The following GPBP1 variants were observed in gnomAD, a reference collection of about 807,000 sequenced individuals.
The protein encoded by GPBP1 is GC-rich promoter binding protein 1, also known as vasculin.
In GPBP1, 13 loss-of-function variants were observed where a neutral mutation model predicts 56.5. The observed-to-expected ratio is 0.23, with a 90% CI of 0.15 to 0.37. The LOEUF (loss-of-function observed/expected upper bound fraction) is 0.37, where lower values mean the gene tolerates loss of function less well. Ranked by LOEUF, GPBP1 falls within the 10% of genes least tolerant of loss-of-function variation. The pLI is 1.00. For missense variants in GPBP1, 477 were observed against 572.3 expected (o/e 0.83, Z 1.70); for synonymous variants, 204 against 188.9 (o/e 1.08, Z -0.66).
intron 11 of GPBP1, among the ~76,000 whole-genome samples, chr5:57,262,235 C>A (rs1421129157): frequency 5.3e-5 from 8 of 152,056 alleles, no homozygotes; most frequent in Admixed American, 4.6e-4. Flanking sequence ...ACTTTATATA[C>A]CTCATTCTAC....
chr5:57,205,198 T>G (rs10940531), intron 2 of GPBP1, among the ~76,000 whole-genome samples: 5,726 of 152,306 alleles, frequency 0.038, 155 homozygotes, highest in African/African-American at 0.069. Context: ...ACTTGAGGCA[T>G]ACAACGTGAT....
intron 2 of GPBP1, among the ~76,000 whole-genome samples, chr5:57,199,212 C>G (rs967238076): frequency 7.2e-5 from 11 of 152,138 alleles, no homozygotes; most frequent in Admixed American, 6.6e-4. Flanking sequence ...TGAAGTAAAA[C>G]TAGCGATATT....
At chr5:57,177,503 C>T (rs752265719) in intron 2 of GPBP1, among the ~76,000 whole-genome samples, 5 of 151,962 alleles carry the variant, frequency 3.3e-5, no homozygotes, top group Non-Finnish European at 5.9e-5. Context: ...GACCGAGTTT[C>T]GCTCTTGTTG....
chr5:57,246,610 C>G (rs1741102474), intron 7 of GPBP1, 126 bp downstream of exon 7: 1 of 652,216 alleles, frequency 1.5e-6, no homozygotes, highest in Non-Finnish European at 2.5e-6. Flanking sequence ...TTCTAGGTGG[C>G]AAGAGTTGAC....
chr5:57,209,512 G>A (rs372204613), intron 2 of GPBP1, among the ~76,000 whole-genome samples: 15 of 152,118 alleles, frequency 9.9e-5, no homozygotes, highest in Admixed American at 5.9e-4. Context: ...TGGTTAGAAC[G>A]TCTACTACAG....
At chr5:57,220,113 T>G (rs1362021353) in intron 3 of GPBP1, among the ~76,000 whole-genome samples, 2 of 151,776 alleles carry the variant, frequency 1.3e-5, no homozygotes, top group Non-Finnish European at 2.9e-5. Context: ...TAAATACTTG[T>G]CTTCATTTAA....
chr5:57,194,021 C>G (rs1354550239), intron 2 of GPBP1, among the ~76,000 whole-genome samples: 3 of 152,110 alleles, frequency 2.0e-5, no homozygotes, highest in Admixed American at 6.5e-5. Context: ...CTTTTGCTTT[C>G]TAATACAAGT....
At chr5:57,218,027 T>C (rs571261632) in intron 3 of GPBP1, among the ~76,000 whole-genome samples, 1 of 152,064 alleles carries the variant, frequency 6.6e-6, no homozygotes, top group Non-Finnish European at 1.5e-5. Flanking sequence ...TTCCTATAGG[T>C]GTTTTGACTT....
At chr5:57,191,029 G>A (rs555914357) in intron 2 of GPBP1, among the ~76,000 whole-genome samples, 28 of 152,038 alleles carry the variant, frequency 1.8e-4, no homozygotes, top group Non-Finnish European at 3.2e-4. Context: ...GCCCGCCTTG[G>A]CCTCCCCAAG....
rs1234611051 is a variant in GPBP1, at chr5:57,220,029, C to CA, written c.63+5838dup. Among the ~76,000 whole-genome samples the CA allele has an allele frequency of 2.2e-5, 3 of 136,366 alleles. No homozygotes were observed. The Admixed American group carries it at 2.3e-4, about 11-fold the overall frequency. The allele number at this position is 136,366 out of a possible 152,430, so 89.5% of individuals were successfully genotyped here. A position where few individuals can be genotyped will look rare whatever the true frequency, so the allele number is the denominator to read the frequency against. On this transcript the variant is annotated intron_variant, in intron 3 of 11. Transcript: ENST00000506184. The stretch of plus-strand genomic sequence containing the variant: ...TCGTGTCATTGCACTTCAGCCTGGG[C>CA]AACAAGAGTGAGACCCTGTCTCAAA...
At chr5:57,240,768 A>G (rs1318830996) in intron 6 of GPBP1, among the ~76,000 whole-genome samples, 1 of 152,044 alleles carries the variant, frequency 6.6e-6, no homozygotes, top group African/African-American at 2.4e-5. Context: ...TGAGGTTGGG[A>G]GTTCAAGACC....
intron 3 of GPBP1, among the ~76,000 whole-genome samples, chr5:57,223,186 C>A (rs1370622603): frequency 6.6e-6 from 1 of 152,030 alleles, no homozygotes; most frequent in African/African-American, 2.4e-5. Context: ...GTTACCCAGG[C>A]TGGTCTTGAA....
chr5:57,186,148 G>C (rs571291256), intron 2 of GPBP1, among the ~76,000 whole-genome samples: 1 of 152,094 alleles, frequency 6.6e-6, no homozygotes, highest in Non-Finnish European at 1.5e-5. Context: ...TTTAATCTCA[G>C]TACTTTAGGA....
At chr5:57,240,307 A>G (rs1175649189) in intron 6 of GPBP1, among the ~76,000 whole-genome samples, 1 of 152,180 alleles carries the variant, frequency 6.6e-6, no homozygotes, top group Admixed American at 6.6e-5. Context: ...TCACTTGGCT[A>G]CATGCTTTTG....
chr5:57,216,536 A>G (rs1007962732), intron 3 of GPBP1, among the ~76,000 whole-genome samples: 1 of 152,202 alleles, frequency 6.6e-6, no homozygotes, highest in East Asian at 1.9e-4. Context: ...AGCCTAGCTA[A>G]CATGGCCCAA....
At chr5:57,183,931 A>G (rs945197826) in intron 2 of GPBP1, among the ~76,000 whole-genome samples, 11 of 151,992 alleles carry the variant, frequency 7.2e-5, no homozygotes, top group African/African-American at 2.7e-4. Flanking sequence ...GAGTGCTGCC[A>G]TGTCCAGCGA....
intron 2 of GPBP1, among the ~76,000 whole-genome samples, chr5:57,197,360 C>CTTTTTTTT (rs34110209): frequency 5.0e-5 from 6 of 119,882 alleles, no homozygotes; most frequent in African/African-American, 6.6e-5. Context: ...TATCATTTTG[C>CTTTTTTTT]TTTTTTTTTT....
intron 6 of GPBP1, among the ~76,000 whole-genome samples, chr5:57,241,598 A>G (rs1467415148): frequency 1.3e-5 from 2 of 152,174 alleles, no homozygotes; most frequent in Non-Finnish European, 2.9e-5. Context: ...TTGTCAGGCT[A>G]CATTTATTTG....
At chr5:57,203,502 A>T (rs539940842) in intron 2 of GPBP1, among the ~76,000 whole-genome samples, 1 of 152,198 alleles carries the variant, frequency 6.6e-6, no homozygotes, top group East Asian at 1.9e-4. Flanking sequence ...AGCCAGGCCC[A>T]TGTGGTGCTA....
Sources: allele counts gnomAD v4.1 joint callset (sites outside exome capture counted in the v4.1 genomes callset), GRCh38; gene constraint gnomAD v4.1.1; transcripts MANE v1.5; gene names NCBI Gene and HGNC (gene_info 2026-07-23, HGNC 2026-07-21).